The following EPN2 variants were observed in gnomAD, a reference collection of about 807,000 sequenced individuals.
The protein encoded by EPN2 is epsin 2.
In EPN2, 34 loss-of-function variants were observed where a neutral mutation model predicts 61.7. The observed-to-expected ratio is 0.55, with a 90% CI of 0.42 to 0.73. The LOEUF is 0.73. EPN2 is among the 30% of genes least tolerant of loss of function. The probability of loss-of-function intolerance (pLI) is 0.00; values close to 1 mark genes in which losing one functional copy is unlikely to be tolerated. For synonymous variants in EPN2, 349 were observed against 353.6 expected, an observed-to-expected ratio of 0.99 and a Z score of 0.15; for missense variants, 714 against 839.2, an observed-to-expected ratio of 0.85 and a Z score of 1.84.
chr17:19,293,942 T>C (rs1356650265), intron 4 of EPN2, among the ~76,000 whole-genome samples: 1 of 151,450 alleles, frequency 6.6e-6, no homozygotes, highest in Non-Finnish European at 1.5e-5. Context: ...TACAAAAAAT[T>C]AGTCGGGTGT....
rs201895717 is a variant in EPN2, at chr17:19,285,778, C to T, written c.754C>T (p.Arg252Cys). The T allele has an allele frequency of 7.5e-6, 12 of 1,598,568 alleles. No homozygotes were observed. Among genetic ancestry groups the T allele is most frequent in the Admixed American group, 3.4e-5 (2 of 58,106 alleles). The change falls in exon 4 of 11, where the codon CGC (arginine) becomes TGC (cysteine). Residue 252 changes from arginine (R) to cysteine (C), a missense_variant. Coordinates refer to ENST00000314728, the MANE Select transcript of EPN2 (RefSeq NM_014964.5). This position sits in a 1 kb window ranked among gnomAD's most constrained non-coding sequence, Gnocchi z 4.5. The part of the protein sequence containing the change: ...DWSQPCLTCD[R>C]AARATSPRVS... ...GTCCCAGCCCTGCCTCACTTGTGAC[C>T]GCGCAGCCCGAGGTGGGACGGCGGT...
chr17:19,301,003 G>A (rs535392134), intron 4 of EPN2, among the ~76,000 whole-genome samples: 9 of 152,164 alleles, frequency 5.9e-5, no homozygotes, highest in African/African-American at 1.4e-4. Context: ...ATGAGGATGC[G>A]GTTCTCCTTC....
At chr17:19,309,836 C>A in intron 4 of EPN2, 49 bp from the exon 5 acceptor site, 1 of 1,460,420 alleles carries the variant, frequency 6.8e-7, no homozygotes, top group East Asian at 2.3e-5. Context: ...TGTGCAGGAG[C>A]TGTATCAGCC....
chr17:19,329,584 CTGAA>C lies in EPN2; in HGVS notation c.1351_1354del (p.Asn451ValfsTer23). On this transcript the variant is annotated frameshift_variant, in exon 9 of 11. Transcript: ENST00000314728. LOFTEE classifies it high-confidence loss of function. ...AGGGTCCTTTGAGCTCTTCAGTAATCTGAATGGTACAATTAAAGATGACTTTTCT... is the reference window on the plus strand; with the variant it reads ...AGGGTCCTTTGAGCTCTTCAGTAATCTGGTACAATTAAAGATGACTTTTCT... 3 of 1,613,322 alleles carry C rather than the reference CTGAA, an allele frequency of 1.9e-6. No homozygotes were observed. The highest frequency in any genetic ancestry group is 2.5e-6 in the Non-Finnish European group (3 of 1,179,368).
Position 19,331,902 on chromosome 17 carries a change from T to C in EPN2, c.1461T>C (p.Pro487=). The change falls in exon 10 of 11, where the codon CCT becomes CCC. Residue 487 remains proline (P), a synonymous_variant. Transcript: ENST00000314728. ...CCCAAAACAATGGAACTACCAGCCC[T>C]GACCCCTTTGAGTCTCAACCCCTGA... ...LPSQNNGTTS[P]DPFESQPLTV... is the part of the protein sequence containing the mutation. 2 of 1,614,174 alleles carry C rather than the reference T, an allele frequency of 1.2e-6. No homozygotes were observed. The highest frequency in any genetic ancestry group is 2.2e-5 in the East Asian group (1 of 44,876).
At chr17:19,249,134 C>T (rs751984151) in intron 1 of EPN2, among the ~76,000 whole-genome samples, 3 of 152,170 alleles carry the variant, frequency 2.0e-5, no homozygotes, top group Admixed American at 6.5e-5. Flanking sequence ...AGCCTTTTGG[C>T]GGTGAGTGGG....
At chr17:19,299,358 A>G (rs1598006296) in intron 4 of EPN2, among the ~76,000 whole-genome samples, 1 of 152,374 alleles carries the variant, frequency 6.6e-6, no homozygotes. Context: ...TGGGCTTCAG[A>G]ACCCCTCCTC....
intron 1 of EPN2, among the ~76,000 whole-genome samples, chr17:19,246,738 C>T (rs1240641011): frequency 1.4e-5 from 2 of 138,284 alleles, no homozygotes; most frequent in Non-Finnish European, 3.1e-5. Context: ...TTTTTTTTTC[C>T]CCCCTGAAAG....
chr17:19,289,086 T>C (rs1295030048), intron 4 of EPN2, among the ~76,000 whole-genome samples: 2 of 137,694 alleles, frequency 1.5e-5, no homozygotes, highest in African/African-American at 5.5e-5. Flanking sequence ...TTTTTTTTTT[T>C]TTTTTTTTTT....
At chr17:19,302,226 G>A (rs2152227089) in intron 4 of EPN2, among the ~76,000 whole-genome samples, 1 of 152,366 alleles carries the variant, frequency 6.6e-6, no homozygotes, top group Non-Finnish European at 1.5e-5. Flanking sequence ...GTGTTGCACA[G>A]GCAGTGGGTG....
chr17:19,293,932 T>C (rs974478367), intron 4 of EPN2, among the ~76,000 whole-genome samples: 20 of 150,968 alleles, frequency 1.3e-4, no homozygotes, highest in African/African-American at 4.9e-4. Context: ...CTACCAAAAA[T>C]ACAAAAAATT....
intron 7 of EPN2, among the ~76,000 whole-genome samples, chr17:19,327,307 CAAAT>C (rs1012582874): frequency 2.0e-5 from 3 of 152,066 alleles, no homozygotes; most frequent in East Asian, 1.9e-4. Flanking sequence ...ATGACTCTCT[CAAAT>C]AAAATGTGGA....
intron 4 of EPN2, among the ~76,000 whole-genome samples, chr17:19,301,740 A>G (rs1905529581): frequency 6.6e-6 from 1 of 152,180 alleles, no homozygotes; most frequent in African/African-American, 2.4e-5. Context: ...GCTCTGTGCC[A>G]TCGCCTCCTG....
chr17:19,256,704 A>T (rs2045083734), intron 1 of EPN2, among the ~76,000 whole-genome samples: 1 of 152,124 alleles, frequency 6.6e-6, no homozygotes, highest in African/African-American at 2.4e-5. Flanking sequence ...AGAGAGACTC[A>T]GCTCCTGGAG....
chr17:19,305,781 C>T (rs1230158404), intron 4 of EPN2, among the ~76,000 whole-genome samples: 4 of 152,096 alleles, frequency 2.6e-5, no homozygotes, highest in Admixed American at 2.0e-4. Flanking sequence ...GTGGGAGAGA[C>T]CCTTGTCTGC....
intron 7 of EPN2, among the ~76,000 whole-genome samples, chr17:19,322,101 A>G (rs1906662728): frequency 6.6e-6 from 1 of 152,008 alleles, no homozygotes; most frequent in Non-Finnish European, 1.5e-5. Context: ...CTGGGGGAGG[A>G]CGATCTGCAT....
chr17:19,298,536 A>G (rs754286668), intron 4 of EPN2, among the ~76,000 whole-genome samples: 25 of 152,084 alleles, frequency 1.6e-4, no homozygotes, highest in Non-Finnish European at 2.8e-4. Flanking sequence ...GGGTCTCGCT[A>G]TATCACTCAG....
At chr17:19,310,786 C>T (rs1206799616) in intron 5 of EPN2, among the ~76,000 whole-genome samples, 2 of 151,898 alleles carry the variant, frequency 1.3e-5, no homozygotes, top group Non-Finnish European at 2.9e-5. Flanking sequence ...CCATGTTGGT[C>T]GGGCTGGTCT....
intron 8 of EPN2, chr17:19,329,220 G>A (rs1186472089): frequency 1.9e-5 from 8 of 428,198 alleles, no homozygotes; most frequent in Non-Finnish European, 2.9e-5. Context: ...CACTCCTTCT[G>A]GTGACTTCCT....
Sources: gnomAD v4.1 joint callset for allele counts (sites outside exome capture counted in the v4.1 genomes callset) on GRCh38, gnomAD v4.1.1 for gene constraint, Gnocchi (gnomAD v3.1) non-coding constraint, MANE v1.5 for transcripts, NCBI Gene and HGNC (gene_info 2026-07-23, HGNC 2026-07-21) for gene names.